The following HAVCR2 variants were observed in gnomAD, a reference collection of about 807,000 sequenced individuals.
HAVCR2 encodes hepatitis A virus cellular receptor 2, also known as T cell immunoglobulin mucin 3.
In HAVCR2, 13 loss-of-function variants were observed where a neutral mutation model predicts 24.7. The observed-to-expected ratio is 0.53, with a 90% CI of 0.34 to 0.84. HAVCR2 has a LOEUF of 0.84. Among genes scored for constraint, HAVCR2 ranks in the 40% least tolerant of loss-of-function variants. The pLI is 0.01. For synonymous variants in HAVCR2, 154 were observed against 143.4 expected (o/e 1.07, Z -0.53); for missense variants, 343 against 371.2 (o/e 0.92, Z 0.62).
At chr5:157,097,569 A>C (rs1401970527) in intron 4 of HAVCR2, among the ~76,000 whole-genome samples, 3 of 150,408 alleles carry the variant, frequency 2.0e-5, no homozygotes, top group Non-Finnish European at 4.4e-5. Context: ...CTCCTCAAAG[A>C]ATTTTTAAGT....
chr5:157,093,528 T>G (rs1757042829), intron 5 of HAVCR2, among the ~76,000 whole-genome samples: 2 of 152,066 alleles, frequency 1.3e-5, no homozygotes, highest in South Asian at 4.1e-4. Flanking sequence ...CTGAGGTGAT[T>G]GCTCACTCTA....
At chr5:157,108,575 C>T (rs1034653742) in intron 1 of HAVCR2, among the ~76,000 whole-genome samples, 12 of 151,920 alleles carry the variant, frequency 7.9e-5, no homozygotes, top group African/African-American at 2.7e-4. Context: ...AACTCTTTAC[C>T]ATTCCCTGGT....
intron 1 of HAVCR2, among the ~76,000 whole-genome samples, chr5:157,107,858 T>C (rs1309318742): frequency 1.6e-5 from 2 of 124,822 alleles, no homozygotes; most frequent in Non-Finnish European, 3.3e-5. Flanking sequence ...ATTTTTCCTC[T>C]GCCCCCCCCC....
intron 3 of HAVCR2, among the ~76,000 whole-genome samples, chr5:157,101,406 G>A (rs185618954): frequency 4.5e-4 from 68 of 152,284 alleles, no homozygotes; most frequent in African/African-American, 1.4e-3. Flanking sequence ...AGGTAGCAGC[G>A]GAGGTGAGAT....
chr5:157,105,815 C>A (rs1371139812), intron 2 of HAVCR2, among the ~76,000 whole-genome samples: 1 of 152,166 alleles, frequency 6.6e-6, no homozygotes, highest in Non-Finnish European at 1.5e-5. Context: ...CTGTAAAAAG[C>A]TAATGCTTAG....
chr5:157,100,750 A>G (rs928801604), intron 3 of HAVCR2, among the ~76,000 whole-genome samples: 6 of 152,216 alleles, frequency 3.9e-5, no homozygotes, highest in African/African-American at 1.4e-4. Context: ...TTGAAGAAAA[A>G]AAGATTATGT....
At chr5:157,108,072 A>G (rs1277210388) in intron 1 of HAVCR2, among the ~76,000 whole-genome samples, 4 of 151,820 alleles carry the variant, frequency 2.6e-5, no homozygotes, top group Non-Finnish European at 5.9e-5. Flanking sequence ...AAAAAAAACT[A>G]TATATATTTT....
chr5:157,097,143 A>T lies in HAVCR2; in HGVS notation c.523-1684T>A, dbSNP rs1045335862. ...ACAGGTCCTTAAAAAGCACTGTTTGATTGCAAAGAGAGAAGGAGCAAATAC... is the reference window on the plus strand; with the variant it reads ...ACAGGTCCTTAAAAAGCACTGTTTGTTTGCAAAGAGAGAAGGAGCAAATAC... On this transcript the variant is annotated intron_variant, in intron 4 of 6. Coordinates refer to ENST00000307851, the MANE Select transcript of HAVCR2 (RefSeq NM_032782.5). 1.1e-3 allele frequency among the ~76,000 whole-genome samples: 164 copies of T among 152,180 alleles called. 2 individuals are homozygous for T. Among genetic ancestry groups the T allele is most frequent in the African/African-American group, 3.6e-3 (148 of 41,544 alleles).
chr5:157,104,551 G>A (rs1757218996), intron 3 of HAVCR2, 115 bp downstream of exon 3: 2 of 667,166 alleles, frequency 3.0e-6, no homozygotes, highest in Non-Finnish European at 5.2e-6. Context: ...TCAGGTGCAC[G>A]GAGATATCCA....
chr5:157,104,346 G>A (rs967345651), intron 3 of HAVCR2, among the ~76,000 whole-genome samples: 1 of 152,144 alleles, frequency 6.6e-6, no homozygotes, highest in Non-Finnish European at 1.5e-5. Context: ...AACATCACCA[G>A]TCCAGGGTCA....
chr5:157,092,909 A>AAAAAAAAAAC (rs1757027593), intron 5 of HAVCR2, among the ~76,000 whole-genome samples: 1 of 115,478 alleles, frequency 8.7e-6, no homozygotes, highest in African/African-American at 3.5e-5. Flanking sequence ...AAAAAAAAAA[A>AAAAAAAAAAC]AAAAAAAAAC....
chr5:157,096,461 G>A (rs942834657), intron 4 of HAVCR2, among the ~76,000 whole-genome samples: 3 of 151,994 alleles, frequency 2.0e-5, no homozygotes, highest in African/African-American at 7.2e-5. Context: ...TCAGTCTATG[G>A]GTTCTCTCTT....
At chr5:157,098,731 C>G in intron 4 of HAVCR2, 127 bp downstream of exon 4, 1 of 789,852 alleles carries the variant, frequency 1.3e-6, no homozygotes, top group East Asian at 2.5e-5. Flanking sequence ...TGTTACAGCC[C>G]AGGAATCTGA....
intron 3 of HAVCR2, 60 bp from the exon 4 acceptor site, chr5:157,098,961 G>A (rs1757132634): frequency 1.0e-5 from 15 of 1,496,246 alleles, no homozygotes; most frequent in African/African-American, 2.8e-5. Context: ...AGTTAAGAAC[G>A]TTTTCTTTTA....
chr5:157,092,165 C>G (rs1168141606), intron 5 of HAVCR2, among the ~76,000 whole-genome samples: 4 of 146,856 alleles, frequency 2.7e-5, no homozygotes, highest in South Asian at 4.3e-4. Context: ...TATATATATA[C>G]ACACACACAT....
At position 157,095,374 on chromosome 5, in the gene HAVCR2, A is replaced by G; in HGVS notation, c.608T>C (p.Ile203Thr). 6.2e-7 allele frequency: 1 copy of G among 1,614,162 alleles called. No individual in the cohort carries two copies. The highest frequency in any genetic ancestry group is 8.5e-7 in the Non-Finnish European group (1 of 1,180,018). The change falls in exon 5 of 7, where the codon ATC becomes ACC. Residue 203 changes from isoleucine to threonine, a missense_variant. Coordinates refer to ENST00000307851, the MANE Select transcript of HAVCR2 (RefSeq NM_032782.5). ...AGCACAGATCCCTGCTCCGATGTAG[A>G]TGCCTATTCTGATGGTTGCTCCAGA... The part of the protein sequence containing the change: ...RDSGATIRIG[I>T]YIGAGICAGL...
At chr5:157,087,424 A>G (rs776622612) in intron 6 of HAVCR2, 130 bp from the exon 7 acceptor site, 8 of 589,366 alleles carry the variant, frequency 1.4e-5, no homozygotes, top group Non-Finnish European at 1.8e-5. Context: ...ATGCTGAACA[A>G]GTGGAAAAGC....
At chr5:157,101,685 T>C (rs1333205950) in intron 3 of HAVCR2, among the ~76,000 whole-genome samples, 2 of 152,104 alleles carry the variant, frequency 1.3e-5, no homozygotes, top group Admixed American at 1.3e-4. Flanking sequence ...ACCCAGTCCT[T>C]ACTCCTTCAG....
At position 157,085,978 on chromosome 5, in the gene HAVCR2, G is replaced by A. The variant is rs1756906697; in HGVS notation, c.*1124C>T. 6.6e-6 allele frequency: 1 copy of A among 152,204 alleles called. No individual in the cohort carries two copies. Among genetic ancestry groups the A allele is most frequent in the African/African-American group, 2.4e-5 (1 of 41,456 alleles). The allele number at this position is 152,204 out of a possible 1,614,324, so 9.4% of individuals were successfully genotyped here. A position where few individuals can be genotyped will look rare whatever the true frequency, so the allele number is the denominator to read the frequency against. ...ACTCTCTGTCAAAGGATCCAGCGCT[G>A]GTAATATAGATTGCTGAAGGCCTTT... On this transcript the variant is annotated 3_prime_UTR_variant, in exon 7 of 7. Coordinates refer to ENST00000307851, the MANE Select transcript of HAVCR2 (RefSeq NM_032782.5).
Sources: gnomAD v4.1 joint callset for allele counts (sites outside exome capture counted in the v4.1 genomes callset) on GRCh38, gnomAD v4.1.1 for gene constraint, MANE v1.5 for transcripts, NCBI Gene and HGNC (gene_info 2026-07-23, HGNC 2026-07-21) for gene names.